The following MSI2 variants were observed in gnomAD, a reference collection of about 807,000 sequenced individuals.
MSI2 encodes musashi RNA binding protein 2.
MSI2 carries 17 observed loss-of-function variants against 45.6 expected under a neutral mutation model. The ratio of observed to expected loss-of-function variants is 0.37; its 90% CI spans 0.26 to 0.56. MSI2 has a LOEUF of 0.56. Ranked by LOEUF, MSI2 falls within the 20% of genes least tolerant of loss-of-function variation. The pLI is 0.77. For missense variants in MSI2, 293 were observed against 444.2 expected (o/e 0.66, Z 3.06); for synonymous variants, 156 against 158.2 (o/e 0.99, Z 0.11).
intron 6 of MSI2, among the ~76,000 whole-genome samples, chr17:57,442,909 G>C (rs2028628): frequency 0.021 from 3,264 of 152,294 alleles, 90 homozygotes; most frequent in African/African-American, 0.063. Flanking sequence ...AGTTTGAAGG[G>C]ATGAAGAAAA....
chr17:57,596,308 C>T lies in MSI2; in HGVS notation c.455-560C>T, dbSNP rs910861767. On this transcript the variant is annotated intron_variant, in intron 7 of 13. Transcript: ENST00000284073. The surrounding 1 kb of genome is among the most constrained non-coding windows in gnomAD (Gnocchi z 4.6). ...GTCTTAAACTGCCCCAAATCCAGAG[C>T]GCTTTTGAAGCAGCAGTATAAAAAG... Among the ~76,000 whole-genome samples, 6 of 152,174 alleles carry T rather than the reference C, an allele frequency of 3.9e-5. No homozygotes were observed. The highest frequency in any genetic ancestry group is 2.0e-4 in the Admixed American group (3 of 15,280).
chr17:57,392,254 A>G (rs776023002), intron 5 of MSI2, among the ~76,000 whole-genome samples: 27 of 152,312 alleles, frequency 1.8e-4, no homozygotes, highest in Non-Finnish European at 3.5e-4. Flanking sequence ...ATCTGTGGAC[A>G]GGTCACCCCT....
intron 7 of MSI2, among the ~76,000 whole-genome samples, chr17:57,555,820 G>A (rs1281544738): frequency 6.6e-6 from 1 of 152,208 alleles, no homozygotes; most frequent in African/African-American, 2.4e-5. Flanking sequence ...TCGAGGCCAA[G>A]TGACTTGAGA....
At chr17:57,556,914 T>C (rs1473750376) in intron 7 of MSI2, among the ~76,000 whole-genome samples, 2 of 152,204 alleles carry the variant, frequency 1.3e-5, no homozygotes, top group Non-Finnish European at 2.9e-5. Context: ...TGGCCTTATT[T>C]GGTGTTTAGT....
intron 5 of MSI2, chr17:57,285,705 C>G (rs543216074): frequency 1.6e-4 from 91 of 583,854 alleles, no homozygotes; most frequent in Admixed American, 3.9e-5. Context: ...AAAACAGTTA[C>G]AGGAACGTCT....
At chr17:57,360,001 A>G (rs910741104) in intron 5 of MSI2, among the ~76,000 whole-genome samples, 1 of 152,208 alleles carries the variant, frequency 6.6e-6, no homozygotes, top group African/African-American at 2.4e-5. Context: ...CAGGTGTCCC[A>G]GGGTTTGGCA....
chr17:57,687,039 T>G (rs1913899138), downstream of MSI2, among the ~76,000 whole-genome samples: 1 of 148,512 alleles, frequency 6.7e-6, no homozygotes, highest in African/African-American at 2.4e-5. Flanking sequence ...AACAAATAAT[T>G]AACATGTGGC....
intron 5 of MSI2, among the ~76,000 whole-genome samples, chr17:57,376,726 T>C (rs1439260111): frequency 6.6e-6 from 1 of 152,182 alleles, no homozygotes; most frequent in East Asian, 1.9e-4. Context: ...AGAAATAGCG[T>C]CTTCCTCTTT....
chr17:57,503,551 A>G (rs1437013787), intron 6 of MSI2, among the ~76,000 whole-genome samples: 1 of 152,350 alleles, frequency 6.6e-6, no homozygotes, highest in East Asian at 1.9e-4. Context: ...GCCCAAGGTC[A>G]CTTCACACAT....
intron 5 of MSI2, among the ~76,000 whole-genome samples, chr17:57,283,689 G>C (rs984648664): frequency 3.3e-5 from 5 of 152,218 alleles, no homozygotes; most frequent in African/African-American, 1.2e-4. Flanking sequence ...CATGGGAGGA[G>C]AAAATTAGGC....
At chr17:57,551,314 A>G (rs73991900) in intron 7 of MSI2, among the ~76,000 whole-genome samples, 2,001 of 152,280 alleles carry the variant, frequency 0.013, 43 homozygotes, top group African/African-American at 0.046. Context: ...CTGTGCGGGT[A>G]GGTCCTCACT....
At chr17:57,425,558 T>C (rs898127290) in intron 6 of MSI2, among the ~76,000 whole-genome samples, 1 of 152,250 alleles carries the variant, frequency 6.6e-6, no homozygotes, top group African/African-American at 2.4e-5. Context: ...CATGTGATTG[T>C]ACCCTACATG....
intron 10 of MSI2, among the ~76,000 whole-genome samples, chr17:57,639,143 C>T (rs1477461878): frequency 6.6e-6 from 1 of 152,192 alleles, no homozygotes; most frequent in Non-Finnish European, 1.5e-5. Flanking sequence ...AAAGGCCCCA[C>T]CTCCTAATAT....
intron 5 of MSI2, among the ~76,000 whole-genome samples, chr17:57,281,470 C>T (rs1450700074): frequency 6.6e-6 from 1 of 152,122 alleles, no homozygotes; most frequent in Non-Finnish European, 1.5e-5. Context: ...CGTTCCTCTT[C>T]GTTTACTCTC....
At chr17:57,450,658 A>G (rs1242632837) in intron 6 of MSI2, among the ~76,000 whole-genome samples, 1 of 133,280 alleles carries the variant, frequency 7.5e-6, no homozygotes, top group East Asian at 2.2e-4. Flanking sequence ...GTGACAGAGC[A>G]AGACTGCATC....
chr17:57,397,331 G>T (rs573943261), intron 5 of MSI2, among the ~76,000 whole-genome samples: 2 of 152,338 alleles, frequency 1.3e-5, no homozygotes, highest in Admixed American at 1.3e-4. Context: ...CAGGTTTAAA[G>T]TTCCAGGGAT....
intron 6 of MSI2, among the ~76,000 whole-genome samples, chr17:57,488,490 C>CCTCTCA (rs2085799698): frequency 1.3e-5 from 2 of 152,090 alleles, no homozygotes; most frequent in South Asian, 4.1e-4. Flanking sequence ...GTGGTGAGTA[C>CCTCTCA]CTCTCACTTT....
At chr17:57,594,600 AAGG>A (rs1905112251) in intron 7 of MSI2, among the ~76,000 whole-genome samples, 1 of 152,196 alleles carries the variant, frequency 6.6e-6, no homozygotes, top group African/African-American at 2.4e-5. Context: ...ACCAAGGGCC[AAGG>A]AGAAGGAGAT....
intron 10 of MSI2, among the ~76,000 whole-genome samples, chr17:57,639,508 T>C (rs183483299): frequency 8.9e-4 from 135 of 152,342 alleles, no homozygotes; most frequent in Middle Eastern, 6.8e-3. Context: ...ACCCCACCTG[T>C]GCCATAGGAG....
Sources: gnomAD v4.1 joint callset for allele counts (sites outside exome capture counted in the v4.1 genomes callset) on GRCh38, gnomAD v4.1.1 for gene constraint, Gnocchi (gnomAD v3.1) non-coding constraint, MANE v1.5 for transcripts, NCBI Gene and HGNC (gene_info 2026-07-23, HGNC 2026-07-21) for gene names.